ESYT3: variants seen among roughly 807,000 people sequenced by gnomAD.
The protein encoded by ESYT3 is extended synaptotagmin 3, also known as extended synaptotagmin-3.
ESYT3 carries 101 observed loss-of-function variants against 111.5 expected under a neutral mutation model. The observed-to-expected ratio is 0.91, with a 90% CI of 0.77 to 1.07. ESYT3 has a LOEUF of 1.07. ESYT3 is among the 50% of genes least tolerant of loss of function. The pLI is 0.00. For missense variants in ESYT3, 1,097 were observed against 1,109.4 expected (o/e 0.99, Z 0.16); for synonymous variants, 416 against 446.8 (o/e 0.93, Z 0.87).
chr3:138,450,589 AGAGAATGG>A (rs1332572889), intron 1 of ESYT3, among the ~76,000 whole-genome samples: 6 of 152,334 alleles, frequency 3.9e-5, no homozygotes, highest in African/African-American at 1.4e-4. Context: ...GTATCCCAAG[AGAGAATGG>A]GAGAATGGTG....
At chr3:138,437,494 G>A (rs555781621) in intron 1 of ESYT3, among the ~76,000 whole-genome samples, 66 of 152,316 alleles carry the variant, frequency 4.3e-4, no homozygotes, top group African/African-American at 1.5e-3. Flanking sequence ...ACAGCATGGA[G>A]GTGTGACATA....
rs2033599199 is a variant in ESYT3 at position 138,478,783 on chromosome 3, T to TAATA, written c.*1930_*1933dup. On this transcript the variant is annotated 3_prime_UTR_variant, in exon 23 of 23. Coordinates refer to ENST00000389567, the MANE Select transcript of ESYT3 (RefSeq NM_031913.5). ...AGGGGCAGGGAGCCTGAAAAGTTGTTAATACCTTGGCTGCCACTGAGGACA... is the reference window on the plus strand; with the variant it reads ...AGGGGCAGGGAGCCTGAAAAGTTGTTAATAAATACCTTGGCTGCCACTGAGGACA... The TAATA allele has an allele frequency of 6.6e-6, 1 of 152,234 alleles. No individual in the cohort carries two copies. 9.4% of individuals were successfully genotyped at this position (152,234 alleles called of 1,614,324 possible). A position where few individuals can be genotyped will look rare whatever the true frequency, so the allele number is the denominator to read the frequency against.
rs1030009025 is a variant in ESYT3 at position 138,479,515 on chromosome 3, G to A, written c.*2661G>A. ...TTTGCTGCTTTCCCGGCAGGCTGAT[G>A]TTTGGCTTTGCCAATAGGGGGCGAT... On this transcript the variant is annotated 3_prime_UTR_variant, in exon 23 of 23. Coordinates refer to ENST00000389567, the MANE Select transcript of ESYT3 (RefSeq NM_031913.5). 1 of 152,234 alleles carries A rather than the reference G, an allele frequency of 6.6e-6. No homozygotes were observed. Among genetic ancestry groups the A allele is most frequent in the Non-Finnish European group, 1.5e-5 (1 of 68,050 alleles). 9.4% of individuals were successfully genotyped at this position (152,234 alleles called of 1,614,324 possible).
chr3:138,471,674 G>T (rs191121835), intron 17 of ESYT3, among the ~76,000 whole-genome samples: 3 of 152,198 alleles, frequency 2.0e-5, no homozygotes, highest in Admixed American at 6.5e-5. Context: ...CATATGTTCA[G>T]TGTTCCTTTA....
rs1180460170 is a variant in ESYT3 at position 138,470,869 on chromosome 3, C to G, written c.1591-8C>G. 1.9e-6 allele frequency: 3 copies of G among 1,614,104 alleles called. No homozygotes were observed. In the South Asian group the frequency reaches 3.3e-5, roughly 18 times the overall value. On this transcript the variant is annotated splice_polypyrimidine_tract_variant and splice_region_variant and intron_variant, in intron 16 of 22. Transcript: ENST00000389567. ...ATCCTCTTGTTTTGTGACTGGACCACTGCCCAGGTGCTTGATGATGACCAG... is the reference window on the plus strand; with the variant it reads ...ATCCTCTTGTTTTGTGACTGGACCAGTGCCCAGGTGCTTGATGATGACCAG...
In ESYT3 at chr3:138,464,518, A is replaced by C. The variant is rs763952248; in HGVS notation, c.1086+3A>C. The C allele has an allele frequency of 1.2e-6, 2 of 1,613,826 alleles. No homozygotes were observed. The highest frequency in any genetic ancestry group is 1.7e-6 in the Non-Finnish European group (2 of 1,179,864). ...CCACCTGGAACGAAGTGTTTGAGGT[A>C]AGGGTCTCCTTGGCTGCTTCTAGCC... is the stretch of plus-strand genomic sequence containing the variant. On this transcript the variant is annotated splice_donor_region_variant and intron_variant, in intron 9 of 22. Transcript: ENST00000389567.
rs919504262 is a variant in ESYT3 at position 138,472,514 on chromosome 3, C to T, written c.1892C>T (p.Pro631Leu). 4 of 1,614,140 alleles carry T rather than the reference C, an allele frequency of 2.5e-6. No homozygotes were observed. The African/African-American group carries it at 5.3e-5, about 22-fold the overall frequency. ...GGCCCTACAGATTTGCCATGTCCCCCAGACCCTGCTTCTGATACTAAGGAC... is the reference window on the plus strand; with the variant it reads ...GGCCCTACAGATTTGCCATGTCCCCTAGACCCTGCTTCTGATACTAAGGAC... ...EEGPTDLPCP[P>L]DPASDTKDVS... The change falls in exon 18 of 23, where the codon CCA becomes CTA. Residue 631 changes from proline (P) to leucine (L), a missense_variant. Transcript: ENST00000389567.
chr3:138,476,735 G>C, intron 22 of ESYT3, 83 bp from the exon 23 acceptor site: 1 of 1,396,014 alleles, frequency 7.2e-7, no homozygotes, highest in Non-Finnish European at 1.0e-6. Context: ...CAGAGGCCCA[G>C]GCAGGCAGGA....
intron 1 of ESYT3, among the ~76,000 whole-genome samples, chr3:138,446,232 A>G (rs1216670014): frequency 2.0e-5 from 3 of 152,234 alleles, no homozygotes; most frequent in Non-Finnish European, 4.4e-5. Context: ...GTTTCTATAA[A>G]ACCCCTACAT....
Position 138,465,389 on chromosome 3 carries a change from T to A in ESYT3, c.1137T>A (p.Asp379Glu). The change falls in exon 10 of 23, where the codon GAT becomes GAA. Residue 379 changes from aspartate (D) to glutamate (E), a missense_variant. Coordinates refer to ENST00000389567, the MANE Select transcript of ESYT3 (RefSeq NM_031913.5). The part of the protein sequence containing the change: ...PGQDLEVDLY[D>E]EDTDRDDFLG... ...AGGACCTGGAGGTAGACCTGTATGA[T>A]GAGGATACCGACAGGGATGACTTCC... is the stretch of plus-strand genomic sequence containing the variant. The A allele has an allele frequency of 6.3e-7, 1 of 1,596,388 alleles. No individual in the cohort carries two copies. The highest frequency in any genetic ancestry group is 8.5e-7 in the Non-Finnish European group (1 of 1,171,998).
intron 1 of ESYT3, among the ~76,000 whole-genome samples, chr3:138,442,833 G>T (rs375587688): frequency 6.6e-6 from 1 of 152,182 alleles, no homozygotes; most frequent in Non-Finnish European, 1.5e-5. Flanking sequence ...AATTTAATTA[G>T]TATGATTCCT....
chr3:138,470,956 C>G lies in ESYT3; in HGVS notation c.1670C>G (p.Thr557Ser). The change falls in exon 17 of 23, where the codon ACT becomes AGT. Residue 557 changes from threonine to serine, a missense_variant. Thr to Ser is a moderately conservative substitution (Grantham distance 58). Transcript: ENST00000389567. ...LCQILPYADL[T>S]LEQRFQLDHS... is the part of the protein sequence containing the mutation. ...CAGATCCTCCCCTATGCTGACCTCA[C>G]TCTTGAGCAGCGCTTTCAGCTGGAC... The G allele has an allele frequency of 6.2e-7, 1 of 1,614,178 alleles. No homozygotes were observed. The highest frequency in any genetic ancestry group is 1.3e-5 in the African/African-American group (1 of 75,026).
rs2030580413 is a variant in ESYT3 at position 138,435,383 on chromosome 3, C to T, written c.327+258C>T. ...GGAACTTGGGTTTCATTTAAGGCCC[C>T]AGAGCTCGAGAGAAGAGTCACGGGC... is the stretch of plus-strand genomic sequence containing the variant. On this transcript the variant is annotated intron_variant, in intron 1 of 22. Transcript: ENST00000389567. This position sits in a 1 kb window ranked among gnomAD's most constrained non-coding sequence, Gnocchi z 4.8. 6.6e-6 allele frequency among the ~76,000 whole-genome samples: 1 copy of T among 152,184 alleles called. No individual in the cohort carries two copies. Among genetic ancestry groups the T allele is most frequent in the Admixed American group, 6.5e-5 (1 of 15,286 alleles).
chr3:138,438,978 T>G (rs1414599720), intron 1 of ESYT3, among the ~76,000 whole-genome samples: 1 of 152,196 alleles, frequency 6.6e-6, no homozygotes, highest in African/African-American at 2.4e-5. Flanking sequence ...CACACAGTGT[T>G]TATGTGTACT....
chr3:138,449,855 T>C (rs1438913761), intron 1 of ESYT3, among the ~76,000 whole-genome samples: 4 of 152,216 alleles, frequency 2.6e-5, no homozygotes, highest in Non-Finnish European at 5.9e-5. Context: ...ATTCATTCAT[T>C]CCACAAATAT....
intron 1 of ESYT3, among the ~76,000 whole-genome samples, chr3:138,445,381 A>G (rs1335676601): frequency 2.6e-5 from 4 of 152,296 alleles, no homozygotes; most frequent in South Asian, 2.1e-4. Context: ...AGTTGCCCCC[A>G]TTGGGCAGAG....
In ESYT3 at chr3:138,440,734, C is replaced by T. The variant is rs1448023912; in HGVS notation, c.327+5609C>T. 3.3e-5 allele frequency among the ~76,000 whole-genome samples: 5 copies of T among 152,196 alleles called. No individual in the cohort carries two copies. The highest frequency in any genetic ancestry group is 4.8e-5 in the African/African-American group (2 of 41,444). ...TCTTAATGATGGTTCATGGACTTAT[C>T]ATGTCCTGGGCCAGGATTGAGCAAT... On this transcript the variant is annotated intron_variant, in intron 1 of 22. Coordinates refer to ENST00000389567, the MANE Select transcript of ESYT3 (RefSeq NM_031913.5). The surrounding 1 kb of genome is among the most constrained non-coding windows in gnomAD (Gnocchi z 4.2).
chr3:138,466,667 T>C (rs567562400), intron 10 of ESYT3, among the ~76,000 whole-genome samples: 23 of 152,208 alleles, frequency 1.5e-4, no homozygotes, highest in Middle Eastern at 3.4e-3. Flanking sequence ...CAAGCTGAGG[T>C]GTGGGTGTTA....
Position 138,459,305 on chromosome 3 carries a change from C to A in ESYT3, c.648+52C>A. On this transcript the variant is annotated intron_variant, in intron 5 of 22. Coordinates refer to ENST00000389567, the MANE Select transcript of ESYT3 (RefSeq NM_031913.5). ...CTGTTCCAGCCCCCAGGGTGGGGAT[C>A]AGGGAAGGGGAAGCCAGGTCATGCC... 2.1e-6 allele frequency: 3 copies of A among 1,449,556 alleles called. No individual in the cohort carries two copies. In the South Asian group the frequency reaches 4.3e-5, roughly 21 times the overall value. The allele number at this position is 1,449,556 out of a possible 1,614,324, so 89.8% of individuals were successfully genotyped here.
Sources: gnomAD v4.1 joint callset for allele counts (sites outside exome capture counted in the v4.1 genomes callset) on GRCh38, gnomAD v4.1.1 for gene constraint, Gnocchi (gnomAD v3.1) non-coding constraint, MANE v1.5 for transcripts, NCBI Gene and HGNC (gene_info 2026-07-23, HGNC 2026-07-21) for gene names.